PTPRG: variants seen among roughly 807,000 people sequenced by gnomAD.
PTPRG encodes protein tyrosine phosphatase receptor type G.
Under a neutral mutation model 165.3 loss-of-function variants are expected in PTPRG, and 102 were observed. The observed-to-expected ratio is 0.62, with a 90% CI of 0.53 to 0.73. The LOEUF (loss-of-function observed/expected upper bound fraction) is 0.73. Ranked by LOEUF, PTPRG falls within the 30% of genes least tolerant of loss-of-function variation. PTPRG has a pLI of 0.00. For missense variants in PTPRG, 1,866 were observed against 1,861.4 expected, an observed-to-expected ratio of 1.00 and a Z score of -0.05; for synonymous variants, 675 against 669.5, an observed-to-expected ratio of 1.01 and a Z score of -0.13.
intron 12 of PTPRG, among the ~76,000 whole-genome samples, chr3:62,212,952 A>G (rs1302640621): frequency 6.6e-6 from 1 of 152,116 alleles, no homozygotes; most frequent in African/African-American, 2.4e-5. Context: ...TGCTGGGAAA[A>G]CTACATCATC....
intron 5 of PTPRG, among the ~76,000 whole-genome samples, chr3:62,123,594 AG>A (rs34454117): frequency 6.6e-6 from 1 of 152,174 alleles, no homozygotes; most frequent in Admixed American, 6.5e-5. Context: ...TTTGTATAAA[AG>A]GGTTACGTTT....
At chr3:61,566,732 C>T (rs1699923906) in intron 1 of PTPRG, among the ~76,000 whole-genome samples, 1 of 152,206 alleles carries the variant, frequency 6.6e-6, no homozygotes, top group South Asian at 2.1e-4. Flanking sequence ...GTCTTGAACT[C>T]CTGACCTCAG....
chr3:62,010,936 T>A (rs553684659), intron 4 of PTPRG, among the ~76,000 whole-genome samples: 2 of 152,200 alleles, frequency 1.3e-5, no homozygotes, highest in Admixed American at 1.3e-4. Flanking sequence ...CCAGGAAAAA[T>A]TAGGCACGTG....
At position 62,016,845 on chromosome 3, in the gene PTPRG, GTTC is replaced by G. The variant is rs1431118103; in HGVS notation, c.519+13353_519+13355del. Among the ~76,000 whole-genome samples the G allele has an allele frequency of 5.3e-5, 8 of 152,120 alleles. 1 individual carries two copies. The South Asian group carries it at 1.0e-3, about 20-fold the overall frequency. The stretch of plus-strand genomic sequence containing the variant: ...TCTCCACCCTCTTTTCACTGGCTTT[GTTC>G]TTCTCCCTGATTATCCCTCACTCCT... On this transcript the variant is annotated intron_variant, in intron 4 of 29. Coordinates refer to ENST00000474889, the MANE Select transcript of PTPRG (RefSeq NM_002841.4).
chr3:61,606,012 A>T (rs1257218426), intron 1 of PTPRG, among the ~76,000 whole-genome samples: 1 of 152,224 alleles, frequency 6.6e-6, no homozygotes, highest in African/African-American at 2.4e-5. Flanking sequence ...CCCTCACCCC[A>T]TGTGGTGTAT....
chr3:62,000,443 G>A (rs2041146036), intron 3 of PTPRG, among the ~76,000 whole-genome samples: 1 of 152,164 alleles, frequency 6.6e-6, no homozygotes, highest in Non-Finnish European at 1.5e-5. Context: ...ACAGAAGGGA[G>A]GAAGACATGT....
intron 1 of PTPRG, among the ~76,000 whole-genome samples, chr3:61,572,728 A>G (rs1700085437): frequency 6.6e-6 from 1 of 152,180 alleles, no homozygotes. Context: ...AGGAAGGTCT[A>G]GCAGCCTAGG....
intron 2 of PTPRG, among the ~76,000 whole-genome samples, chr3:61,843,352 T>G (rs1026974803): frequency 5.3e-5 from 8 of 152,116 alleles, no homozygotes; most frequent in African/African-American, 1.7e-4. Context: ...ATTGTATATA[T>G]ACACACACAT....
Position 61,916,132 on chromosome 3 carries a change from G to C in PTPRG, c.191-73493G>C, listed in dbSNP as rs76966729. ...TTACATTTGCCATGTAAGACATTTT[G>C]ATTTAAACTTTAGTCAGGAAGCTGA... On this transcript the variant is annotated intron_variant, in intron 2 of 29. Coordinates refer to ENST00000474889, the MANE Select transcript of PTPRG (RefSeq NM_002841.4). 5.3e-4 allele frequency among the ~76,000 whole-genome samples: 80 copies of C among 152,282 alleles called. No homozygotes were observed. The East Asian group carries it at 0.012, about 23-fold the overall frequency.
chr3:62,076,120 T>C (rs1701373553), intron 4 of PTPRG, among the ~76,000 whole-genome samples: 1 of 152,030 alleles, frequency 6.6e-6, no homozygotes, highest in African/African-American at 2.4e-5. Context: ...TAAAAATGTA[T>C]ATATATATGT....
rs530021076 is a variant in PTPRG at position 62,229,610 on chromosome 3, C to T, written c.2289-1615C>T. 4.6e-5 allele frequency among the ~76,000 whole-genome samples: 7 copies of T among 152,292 alleles called. No homozygotes were observed. The highest frequency in any genetic ancestry group is 1.4e-4 in the African/African-American group (6 of 41,568). On this transcript the variant is annotated intron_variant, in intron 13 of 29. Coordinates refer to ENST00000474889, the MANE Select transcript of PTPRG (RefSeq NM_002841.4). This position sits in a 1 kb window ranked among gnomAD's most constrained non-coding sequence, Gnocchi z 4.6. ...GCTTACTTTTCAGGAAAGGGAAGCT[C>T]CTTGTATGTTCAGTCTATTCTAGGT...
intron 2 of PTPRG, among the ~76,000 whole-genome samples, chr3:61,827,110 T>C (rs999813551): frequency 6.6e-6 from 1 of 152,202 alleles, no homozygotes; most frequent in South Asian, 2.1e-4. Context: ...GCTGTGTTCT[T>C]CTATCCTCTA....
chr3:62,080,391 A>G (rs1575977113), intron 5 of PTPRG, among the ~76,000 whole-genome samples: 1 of 151,838 alleles, frequency 6.6e-6, no homozygotes, highest in East Asian at 1.9e-4. Flanking sequence ...CTGTTCTTAA[A>G]CTGTGATTGG....
chr3:61,649,470 T>A lies in PTPRG; in HGVS notation c.85+87098T>A, dbSNP rs80010564. 4.8e-3 allele frequency among the ~76,000 whole-genome samples: 733 copies of A among 152,340 alleles called. 14 individuals carry two copies. The highest frequency in any genetic ancestry group is 0.017 in the African/African-American group (689 of 41,582). On this transcript the variant is annotated intron_variant, in intron 1 of 29. Coordinates refer to ENST00000474889, the MANE Select transcript of PTPRG (RefSeq NM_002841.4). ...ATTGATGCATCCTCTAAGGAAGATA[T>A]GCTGTGACCTCTCATGCAGAAGTGG... is the stretch of plus-strand genomic sequence containing the variant.
At chr3:61,642,350 C>T (rs1026102267) in intron 1 of PTPRG, among the ~76,000 whole-genome samples, 1 of 152,148 alleles carries the variant, frequency 6.6e-6, no homozygotes, top group Admixed American at 6.5e-5. Context: ...TGCTCATATG[C>T]GAGGACCTTT....
chr3:61,908,987 T>C (rs1382095406), intron 2 of PTPRG, among the ~76,000 whole-genome samples: 1 of 152,182 alleles, frequency 6.6e-6, no homozygotes. Context: ...TGCTATCTTT[T>C]CTCAGAAACA....
chr3:62,251,849 G>A (rs1177954953), intron 15 of PTPRG, among the ~76,000 whole-genome samples: 4 of 151,998 alleles, frequency 2.6e-5, no homozygotes, highest in Non-Finnish European at 5.9e-5. Context: ...AGTCTTTTTG[G>A]ACAAGTTGCC....
At chr3:61,891,579 T>G (rs2038216127) in intron 2 of PTPRG, among the ~76,000 whole-genome samples, 1 of 152,198 alleles carries the variant, frequency 6.6e-6, no homozygotes, top group Non-Finnish European at 1.5e-5. Context: ...GGAGACAGAA[T>G]TGAAAGAATG....
At chr3:62,191,796 C>T (rs903097873) in intron 9 of PTPRG, 143 bp downstream of exon 9, 15 of 912,122 alleles carry the variant, frequency 1.6e-5, no homozygotes, top group Non-Finnish European at 2.3e-5. Flanking sequence ...GCCATTGCTG[C>T]GCTGCTCGAG....
Sources: allele counts gnomAD v4.1 joint callset (sites outside exome capture counted in the v4.1 genomes callset), GRCh38; gene constraint gnomAD v4.1.1; non-coding constraint Gnocchi (gnomAD v3.1); transcripts MANE v1.5; gene names NCBI Gene and HGNC (gene_info 2026-07-23, HGNC 2026-07-21).